LY75: variants seen among roughly 807,000 people sequenced by gnomAD.
The protein encoded by LY75 is lymphocyte antigen 75, also known as C-type lectin domain family 13 member B.
A neutral mutation model predicts 231.7 loss-of-function variants in LY75; 185 were observed. That is an observed-to-expected ratio of 0.80 (90% confidence interval 0.71 to 0.90). The LOEUF is 0.90. Among genes scored for constraint, LY75 ranks in the 40% least tolerant of loss-of-function variants. The probability of loss-of-function intolerance (pLI) is 0.00; values close to 1 mark genes in which losing one functional copy is unlikely to be tolerated. For synonymous variants in LY75, 668 were observed against 689.0 expected (o/e 0.97, Z 0.48); for missense variants, 1,947 against 2,050.2 (o/e 0.95, Z 0.97).
At chr2:159,851,126 G>C (rs1684389361) in intron 21 of LY75, among the ~76,000 whole-genome samples, 1 of 151,720 alleles carries the variant, frequency 6.6e-6, no homozygotes, top group South Asian at 2.1e-4. Context: ...TTCTTGGCAG[G>C]ATATTTTAAT....
At chr2:159,816,623 T>A (rs1277600728) in intron 30 of LY75, among the ~76,000 whole-genome samples, 183 bp downstream of exon 30, 1 of 152,224 alleles carries the variant, frequency 6.6e-6, no homozygotes, top group Non-Finnish European at 1.5e-5. Context: ...TTTGTCCTAG[T>A]GCATGCTACA....
intron 13 of LY75, 87 bp downstream of exon 13, chr2:159,872,364 A>G: frequency 6.6e-7 from 1 of 1,513,010 alleles, no homozygotes; most frequent in Non-Finnish European, 8.9e-7. Context: ...TTTTTTTCCA[A>G]CAGAGAGTGA....
chr2:159,882,418 T>A, intron 6 of LY75, 103 bp from the exon 7 acceptor site: 1 of 1,476,862 alleles, frequency 6.8e-7, no homozygotes, highest in East Asian at 2.3e-5. Flanking sequence ...CCTGGAAAAC[T>A]GGGGACGTGA....
At chr2:159,819,954 A>C (rs747498562) in intron 28 of LY75, 34 bp from the exon 29 acceptor site, 1 of 1,552,224 alleles carries the variant, frequency 6.4e-7, no homozygotes, top group South Asian at 1.2e-5. Flanking sequence ...ATGCTTAGAG[A>C]TTAAATCAAG....
chr2:159,821,215 TAAA>T (rs35783239), intron 28 of LY75, among the ~76,000 whole-genome samples: 159 of 144,378 alleles, frequency 1.1e-3, no homozygotes, highest in Non-Finnish European at 1.3e-3. Context: ...TATCCACATG[TAAA>T]AAAAAAAAAA....
chr2:159,813,201 C>A (rs887916393), intron 31 of LY75, among the ~76,000 whole-genome samples: 1 of 152,162 alleles, frequency 6.6e-6, no homozygotes, highest in Non-Finnish European at 1.5e-5. Context: ...ACATAGTAAT[C>A]TTATGTACAT....
In LY75 at chr2:159,879,272, C is replaced by T. The variant is rs1470224682; in HGVS notation, c.1502G>A (p.Cys501Tyr). Residue 501 changes from cysteine to tyrosine, a missense_variant, in exon 9 of 35, where the codon TGT becomes TAT. By Grantham distance (194) the Cys-to-Tyr change is radical (BLOSUM62 -2). Transcript: ENST00000263636. ...KLNDASSDKM[C>Y]PPDEGWKRHG... Reference sequence around the variant, plus strand: ...GATTTTACCTACCTCATCTGGAGGACACATCTTATCAGAACTTGCGTCATT... The same window carrying T: ...GATTTTACCTACCTCATCTGGAGGATACATCTTATCAGAACTTGCGTCATT... 6.2e-7 allele frequency: 1 copy of T among 1,613,062 alleles called. No homozygotes were observed. Among genetic ancestry groups the T allele is most frequent in the South Asian group, 1.1e-5 (1 of 90,836 alleles).
chr2:159,840,745 C>T lies in LY75; in HGVS notation c.3491G>A (p.Gly1164Glu), dbSNP rs748892956. Residue 1164 changes from glycine (G) to glutamate (E), a missense_variant, in exon 25 of 35, where the codon GGA becomes GAA. Physicochemically the swap from Gly to Glu is moderately conservative, Grantham distance 98. Transcript: ENST00000263636. ...ALLHNSSLWI[G>E]LFSQDDELNF... is the part of the protein sequence containing the mutation. Reference sequence around the variant, plus strand: ...AACACTTACATCTTGACTGAAGAGTCCGATCCATAAGGAAGAGTTGTGAAG... The same window carrying T: ...AACACTTACATCTTGACTGAAGAGTTCGATCCATAAGGAAGAGTTGTGAAG... 6.2e-7 allele frequency: 1 copy of T among 1,613,900 alleles called. No individual in the cohort carries two copies. Among genetic ancestry groups the T allele is most frequent in the Non-Finnish European group, 8.5e-7 (1 of 1,179,962 alleles).
At chr2:159,875,912 T>C (rs1685254099) in intron 11 of LY75, among the ~76,000 whole-genome samples, 1 of 152,184 alleles carries the variant, frequency 6.6e-6, no homozygotes, top group African/African-American at 2.4e-5. Context: ...AAGTGACTTG[T>C]TCAAGGTCAT....
chr2:159,898,792 T>A lies in LY75; in HGVS notation c.362A>T (p.Tyr121Phe). Reference protein sequence around the residue: ...EHHSLYGAARYRLALKDGHGT... With the variant: ...EHHSLYGAARFRLALKDGHGT... ...ATGTCCATCCTTCAGAGCCAGCCGG[T>A]ACCGGGCAGCTCCGTACAGAGAGTG... The change falls in exon 2 of 35, where the codon TAC becomes TTC. Residue 121 changes from tyrosine (Y) to phenylalanine (F), a missense_variant. Physicochemically the swap from Tyr to Phe is conservative, Grantham distance 22. Transcript: ENST00000263636. 1 of 1,614,230 alleles carries A rather than the reference T, an allele frequency of 6.2e-7. No homozygotes were observed. Among genetic ancestry groups the A allele is most frequent in the Non-Finnish European group, 8.5e-7 (1 of 1,180,030 alleles).
At chr2:159,811,312 A>C (rs1238896455) in intron 31 of LY75, among the ~76,000 whole-genome samples, 2 of 152,220 alleles carry the variant, frequency 1.3e-5, no homozygotes, top group Admixed American at 6.5e-5. Context: ...CAAACAAAAA[A>C]AGACTAGGAG....
At chr2:159,833,848 G>GCAGTT (rs1223207847) in intron 27 of LY75, among the ~76,000 whole-genome samples, 196 bp downstream of exon 27, 1 of 152,132 alleles carries the variant, frequency 6.6e-6, no homozygotes, top group Non-Finnish European at 1.5e-5. Context: ...TTTACAAAGG[G>GCAGTT]CAGTTTCCCT....
intron 14 of LY75, among the ~76,000 whole-genome samples, chr2:159,864,027 A>G (rs10929958): frequency 0.41 from 61,850 of 152,028 alleles, 13,273 homozygotes; most frequent in South Asian, 0.67. Flanking sequence ...TACCATCTAG[A>G]TTTGTTTAAG....
chr2:159,898,918 T>A lies in LY75; in HGVS notation c.236A>T (p.His79Leu). The change falls in exon 2 of 35, where the codon CAC (histidine) becomes CTC (leucine). Residue 79 changes from histidine (H) to leucine (L), a missense_variant. His to Leu is a moderately conservative substitution (Grantham distance 99). Transcript: ENST00000263636. ...ATCGAGGCCAAGGCACTTTTGGGAG[T>A]GCAAATGAAAGAGCCGATGCTGGGA... is the stretch of plus-strand genomic sequence containing the variant. ...WVSQHRLFHLHSQKCLGLDIT... is the reference protein window; with the variant it reads ...WVSQHRLFHLLSQKCLGLDIT... The A allele has an allele frequency of 6.2e-7, 1 of 1,614,102 alleles. No homozygotes were observed. The highest frequency in any genetic ancestry group is 1.6e-4 in the Middle Eastern group (1 of 6,062).
At chr2:159,904,550 G>A (rs750147757) in intron 1 of LY75, 39 bp downstream of exon 1, 4 of 1,495,704 alleles carry the variant, frequency 2.7e-6, no homozygotes, top group African/African-American at 2.9e-5. Flanking sequence ...TGGCGTCGAG[G>A]CACCCAGCGG....
chr2:159,838,969 T>C (rs1574545549), intron 25 of LY75, among the ~76,000 whole-genome samples: 1 of 152,066 alleles, frequency 6.6e-6, no homozygotes, highest in Non-Finnish European at 1.5e-5. Flanking sequence ...CTAATTTTTG[T>C]ATTTTTAGTA....
intron 23 of LY75, among the ~76,000 whole-genome samples, chr2:159,845,768 G>C (rs1420494886): frequency 6.6e-6 from 1 of 151,270 alleles, no homozygotes; most frequent in Non-Finnish European, 1.5e-5. Context: ...TGGATATGAA[G>C]GGCTGACTGT....
chr2:159,852,164 C>A, intron 21 of LY75, 37 bp downstream of exon 21: 1 of 1,605,062 alleles, frequency 6.2e-7, no homozygotes, highest in Non-Finnish European at 8.5e-7. Context: ...AGCATGGAAG[C>A]AATCATTGTT....
intron 1 of LY75, among the ~76,000 whole-genome samples, chr2:159,900,380 A>G (rs891329234): frequency 2.0e-5 from 3 of 152,400 alleles, no homozygotes; most frequent in South Asian, 4.1e-4. Context: ...ATTTTAAACA[A>G]TTACAGCACA....
Sources: gnomAD v4.1 joint callset for allele counts (sites outside exome capture counted in the v4.1 genomes callset) on GRCh38, gnomAD v4.1.1 for gene constraint, MANE v1.5 for transcripts, NCBI Gene and HGNC (gene_info 2026-07-23, HGNC 2026-07-21) for gene names.